NIBAN1: variants seen among roughly 807,000 people sequenced by gnomAD.
NIBAN1 encodes the protein protein Niban 1.
Under a neutral mutation model 75.1 loss-of-function variants are expected in NIBAN1, and 81 were observed. The observed-to-expected ratio is 1.08, with a 90% CI of 0.90 to 1.30. The LOEUF (loss-of-function observed/expected upper bound fraction) is 1.30. Among genes scored for constraint, NIBAN1 ranks in the 50% most tolerant of loss-of-function variants. The probability of loss-of-function intolerance (pLI) is 0.00; values close to 1 mark genes in which losing one functional copy is unlikely to be tolerated. For missense variants in NIBAN1, 1,133 were observed against 1,128.1 expected (o/e 1.00, Z -0.06); for synonymous variants, 436 against 424.8 (o/e 1.03, Z -0.32).
chr1:184,868,085 C>G, intron 5 of NIBAN1: 1 of 984,178 alleles, frequency 1.0e-6, no homozygotes, highest in African/African-American at 1.7e-5. Context: ...GGGGCTTTGT[C>G]TGGTAAGATG....
At chr1:184,861,963 T>A (rs1016679548) in intron 5 of NIBAN1, among the ~76,000 whole-genome samples, 1 of 152,176 alleles carries the variant, frequency 6.6e-6, no homozygotes, top group Non-Finnish European at 1.5e-5. Flanking sequence ...CATGCCCCAA[T>A]GTCCTTTTAT....
intron 5 of NIBAN1, among the ~76,000 whole-genome samples, chr1:184,874,655 CAT>C (rs1656189327): frequency 1.3e-5 from 2 of 151,730 alleles, no homozygotes; most frequent in Non-Finnish European, 2.9e-5. Context: ...TAACTCAAAA[CAT>C]ATAATTCAAC....
chr1:184,940,716 A>C (rs180964127), intron 1 of NIBAN1, among the ~76,000 whole-genome samples: 2 of 152,228 alleles, frequency 1.3e-5, no homozygotes, highest in Non-Finnish European at 2.9e-5. Flanking sequence ...ACTTGCATAA[A>C]AATTTTTTAA....
chr1:184,966,206 G>A (rs1324145584), intron 1 of NIBAN1, among the ~76,000 whole-genome samples: 4 of 152,232 alleles, frequency 2.6e-5, no homozygotes. Flanking sequence ...TCTGAGACCA[G>A]CTTTAACCAA....
At chr1:184,848,511 A>T (rs1655479697) in intron 5 of NIBAN1, among the ~76,000 whole-genome samples, 1 of 35,434 alleles carries the variant, frequency 2.8e-5, no homozygotes, top group Non-Finnish European at 5.0e-5. Context: ...CTAAATGCCT[A>T]CAAGAGAAAG....
At chr1:184,957,342 T>C (rs1264826316) in intron 1 of NIBAN1, among the ~76,000 whole-genome samples, 1 of 152,186 alleles carries the variant, frequency 6.6e-6, no homozygotes, top group Non-Finnish European at 1.5e-5. Flanking sequence ...TCTTTCATAA[T>C]GAATAAATAA....
intron 1 of NIBAN1, among the ~76,000 whole-genome samples, chr1:184,950,288 G>A (rs1658329609): frequency 6.6e-6 from 1 of 151,832 alleles, no homozygotes; most frequent in Non-Finnish European, 1.5e-5. Context: ...TTTTTCCCAG[G>A]CCATCCAGGA....
intron 1 of NIBAN1, among the ~76,000 whole-genome samples, chr1:184,937,359 T>C (rs1248787604): frequency 1.3e-5 from 2 of 152,114 alleles, no homozygotes; most frequent in African/African-American, 4.8e-5. Flanking sequence ...ACTCTTAAGA[T>C]GGTTCTGGAG....
Position 184,795,225 on chromosome 1 carries a change from C to T in NIBAN1, c.2539G>A (p.Gly847Ser). The T allele has an allele frequency of 1.2e-6, 2 of 1,614,016 alleles. No individual in the cohort carries two copies. The highest frequency in any genetic ancestry group is 1.6e-4 in the Middle Eastern group (1 of 6,062). ...TCACTGAGGCAGATGGGGTCAGAAC[C>T]TAAGGTGCAGCCCTCTTGCTGTGAG... is the stretch of plus-strand genomic sequence containing the variant. ...DASQQEGCTL[G>S]SDPICLSESQ... The change falls in exon 14 of 14, where the codon GGT becomes AGT. Residue 847 changes from glycine (G) to serine (S), a missense_variant. Transcript: ENST00000367511.
rs546950420 is a variant in NIBAN1, at chr1:184,814,617, G to T, written c.1173+4021C>A. 3.9e-5 allele frequency among the ~76,000 whole-genome samples: 6 copies of T among 152,180 alleles called. No individual in the cohort carries two copies. In the East Asian group the frequency reaches 1.2e-3, roughly 29 times the overall value. ...TAAAAATTTTTGTATCATCATTTTG[G>T]CTAAATGAATGACTTATGGTAACCT... On this transcript the variant is annotated intron_variant, in intron 9 of 13. Coordinates refer to ENST00000367511, the MANE Select transcript of NIBAN1 (RefSeq NM_052966.4).
chr1:184,865,723 A>C (rs1655939567), intron 5 of NIBAN1, among the ~76,000 whole-genome samples: 1 of 152,230 alleles, frequency 6.6e-6, no homozygotes, highest in Non-Finnish European at 1.5e-5. Flanking sequence ...AGTCTCAGTC[A>C]GAAATCTAAC....
At position 184,974,297 on chromosome 1, in the gene NIBAN1, C is replaced by T; in HGVS notation, c.55+5G>A. On this transcript the variant is annotated splice_donor_5th_base_variant and intron_variant, in intron 1 of 13. Transcript: ENST00000367511. The stretch of plus-strand genomic sequence containing the variant: ...CTCCCCAGGCCCCCGGGCGGGCGGG[C>T]GTACCTCGGATGTAAGCGCACTTGC... 1 of 1,558,182 alleles carries T rather than the reference C, an allele frequency of 6.4e-7. No individual in the cohort carries two copies. The highest frequency in any genetic ancestry group is 8.6e-7 in the Non-Finnish European group (1 of 1,159,346).
In NIBAN1 at chr1:184,906,003, C is replaced by T. The variant is rs191511221; in HGVS notation, c.56-6694G>A. Among the ~76,000 whole-genome samples, 8 of 151,052 alleles carry T rather than the reference C, an allele frequency of 5.3e-5. No homozygotes were observed. In the East Asian group the frequency reaches 5.9e-4, roughly 11 times the overall value. On this transcript the variant is annotated intron_variant, in intron 1 of 13. Coordinates refer to ENST00000367511, the MANE Select transcript of NIBAN1 (RefSeq NM_052966.4). ...CTGTAATCCCAGCACTTGGGGAGGCCGAGATGGGAGGATCACCTGAGTGCA... is the reference window on the plus strand; with the variant it reads ...CTGTAATCCCAGCACTTGGGGAGGCTGAGATGGGAGGATCACCTGAGTGCA...
intron 1 of NIBAN1, among the ~76,000 whole-genome samples, chr1:184,904,037 C>G (rs1350146481): frequency 6.6e-6 from 1 of 152,054 alleles, no homozygotes; most frequent in Non-Finnish European, 1.5e-5. Flanking sequence ...GCTGAGATTA[C>G]AGGCATGCAC....
rs1653691592 is a variant in NIBAN1 at position 184,791,356 on chromosome 1, G to C, written c.*3621C>G. 1 of 158,820 alleles carries C rather than the reference G, an allele frequency of 6.3e-6. No homozygotes were observed. The highest frequency in any genetic ancestry group is 1.4e-5 in the Non-Finnish European group (1 of 72,000). 9.8% of individuals were successfully genotyped at this position (158,820 alleles called of 1,614,324 possible). A position where few individuals can be genotyped will look rare whatever the true frequency, so the allele number is the denominator to read the frequency against. On this transcript the variant is annotated 3_prime_UTR_variant, in exon 14 of 14. Coordinates refer to ENST00000367511, the MANE Select transcript of NIBAN1 (RefSeq NM_052966.4). ...ATGAACGAAAATCACTTTTGTCTTG[G>C]GGAATTGTGAAACCTTTTGAAATCA...
chr1:184,859,397 G>A (rs184908604), intron 5 of NIBAN1, among the ~76,000 whole-genome samples: 2 of 152,236 alleles, frequency 1.3e-5, no homozygotes, highest in East Asian at 3.9e-4. Context: ...CCTGGGTAAA[G>A]TGCTCAACCT....
intron 5 of NIBAN1, among the ~76,000 whole-genome samples, chr1:184,880,691 A>G (rs1313511525): frequency 6.6e-6 from 1 of 152,222 alleles, no homozygotes; most frequent in Non-Finnish European, 1.5e-5. Flanking sequence ...TCATTATTCC[A>G]TATCGCATGT....
chr1:184,875,871 G>GTT (rs796244360), intron 5 of NIBAN1, among the ~76,000 whole-genome samples: 37 of 152,232 alleles, frequency 2.4e-4, no homozygotes, highest in African/African-American at 8.9e-4. Context: ...CCAAATCTGT[G>GTT]TTTTTTTAAG....
At chr1:184,952,511 A>G (rs1658384345) in intron 1 of NIBAN1, among the ~76,000 whole-genome samples, 1 of 152,228 alleles carries the variant, frequency 6.6e-6, no homozygotes, top group African/African-American at 2.4e-5. Context: ...TGGAAGAAGA[A>G]GAATTGTCTT....
Sources: gnomAD v4.1 joint callset for allele counts (sites outside exome capture counted in the v4.1 genomes callset) on GRCh38, gnomAD v4.1.1 for gene constraint, MANE v1.5 for transcripts, NCBI Gene and HGNC (gene_info 2026-07-23, HGNC 2026-07-21) for gene names.